Variants in CARMIL3 observed in about 807,000 individuals in gnomAD.
CARMIL3 encodes the protein capping protein, Arp2/3 and myosin-I linker protein 3.
CARMIL3 carries 88 observed loss-of-function variants against 180.8 expected under a neutral mutation model. The observed-to-expected ratio is 0.49, with a 90% CI of 0.41 to 0.58. The LOEUF (loss-of-function observed/expected upper bound fraction) is 0.58. CARMIL3 is among the 20% of genes least tolerant of loss of function. The pLI is 0.00. For synonymous variants in CARMIL3, 696 were observed against 714.5 expected, an observed-to-expected ratio of 0.97 and a Z score of 0.41; for missense variants, 1,548 against 1,787.0, an observed-to-expected ratio of 0.87 and a Z score of 2.41.
chr14:24,069,290 G>C, intron 39 of CARMIL3, 43 bp downstream of exon 39: 4 of 1,612,846 alleles, frequency 2.5e-6, no homozygotes, highest in Non-Finnish European at 2.5e-6. Context: ...CCACCTATCT[G>C]TCCAACATGA....
At chr14:24,055,362 C>T in intron 8 of CARMIL3, 52 bp downstream of exon 8, 1 of 1,596,300 alleles carries the variant, frequency 6.3e-7, no homozygotes, top group Non-Finnish European at 8.6e-7. Flanking sequence ...TTCAGCCCAA[C>T]CCCAGCCCTT....
Position 24,056,495 on chromosome 14 carries a change from C to T in CARMIL3, c.865+102C>T, listed in dbSNP as rs2035673104. ...CAGCAGCTCTCCAGCCTGATTCCAG[C>T]CCCTGCCCTGACACCTCCATCCTTG... On this transcript the variant is annotated intron_variant, in intron 11 of 39. Transcript: ENST00000342740. The T allele has an allele frequency of 6.1e-6, 9 of 1,470,560 alleles. 1 individual carries two copies. The South Asian group carries it at 1.0e-4, about 17-fold the overall frequency. The allele number at this position is 1,470,560 out of a possible 1,614,324, so 91.1% of individuals were successfully genotyped here. A position where few individuals can be genotyped will look rare whatever the true frequency, so the allele number is the denominator to read the frequency against.
At chr14:24,066,286 T>C (rs1484320268) in intron 34 of CARMIL3, 112 bp from the exon 35 acceptor site, 6 of 1,288,072 alleles carry the variant, frequency 4.7e-6, no homozygotes, top group Non-Finnish European at 1.1e-6. Context: ...TTTAAGTGTC[T>C]AGGGACTAAT....
At chr14:24,064,399 G>T in intron 32 of CARMIL3, 53 bp downstream of exon 32, 2 of 1,356,868 alleles carry the variant, frequency 1.5e-6, no homozygotes, top group Non-Finnish European at 2.1e-6. Flanking sequence ...GCCCTAGAAG[G>T]GCTGCTGTGT....
Position 24,055,228 on chromosome 14 carries a change from C to A in CARMIL3, c.532-9C>A. 6.2e-7 allele frequency: 1 copy of A among 1,614,024 alleles called. No individual in the cohort carries two copies. Among genetic ancestry groups the A allele is most frequent in the South Asian group, 1.1e-5 (1 of 91,076 alleles). On this transcript the variant is annotated splice_polypyrimidine_tract_variant and intron_variant, in intron 7 of 39. Transcript: ENST00000342740. ...GGGAGCAGGTGTGAGCCAGTTCCAC[C>A]TCTCCAAGGATGTGGACACCATCTA...
Position 24,055,808 on chromosome 14 carries a change from T to C in CARMIL3, c.770+19T>C. ...TTAAGACGTGAGGCCAGTCTCCTCC[T>C]TGGGCAGTAGTGCACCCTTGATGTA... On this transcript the variant is annotated intron_variant, in intron 10 of 39. Coordinates refer to ENST00000342740, the MANE Select transcript of CARMIL3 (RefSeq NM_138360.4). The C allele has an allele frequency of 6.2e-7, 1 of 1,612,102 alleles. No homozygotes were observed. The highest frequency in any genetic ancestry group is 8.5e-7 in the Non-Finnish European group (1 of 1,178,280).
intron 14 of CARMIL3, 45 bp from the exon 15 acceptor site, chr14:24,057,758 A>T: frequency 1.3e-6 from 2 of 1,523,576 alleles, no homozygotes; most frequent in Non-Finnish European, 8.9e-7. Context: ...GCCACCCCCT[A>T]CCCCCTTCCA....
chr14:24,065,924 G>C (rs942329508), intron 34 of CARMIL3, among the ~76,000 whole-genome samples, 174 bp downstream of exon 34: 16 of 152,130 alleles, frequency 1.1e-4, no homozygotes, highest in African/African-American at 3.9e-4. Context: ...CCCTGGACTG[G>C]TCACTTCACC....
At chr14:24,053,869 A>AGG in intron 2 of CARMIL3, 66 bp downstream of exon 2, 1 of 1,426,040 alleles carries the variant, frequency 7.0e-7, no homozygotes, top group Non-Finnish European at 9.7e-7. Flanking sequence ...AGTAGAGGGC[A>AGG]GGGAGCCGGG....
rs2035714570 is a variant in CARMIL3 at position 24,059,934 on chromosome 14, C to T, written c.1869-36C>T. On this transcript the variant is annotated intron_variant, in intron 22 of 39. Transcript: ENST00000342740. The surrounding 1 kb of genome is among the most constrained non-coding windows in gnomAD (Gnocchi z 6.3). The stretch of plus-strand genomic sequence containing the variant: ...AGGAGGCAGGGGCCTCCCATCCTCA[C>T]CTGTTCCCACCCAGCTGTGCCCCTG... The T allele has an allele frequency of 3.1e-6, 5 of 1,610,942 alleles. No homozygotes were observed. Among genetic ancestry groups the T allele is most frequent in the Non-Finnish European group, 4.2e-6 (5 of 1,177,574 alleles).
rs1019350802 is a variant in CARMIL3 at position 24,069,464 on chromosome 14, A to C, written c.*60A>C. 2 of 1,607,896 alleles carry C rather than the reference A, an allele frequency of 1.2e-6. No homozygotes were observed. The highest frequency in any genetic ancestry group is 2.7e-5 in the African/African-American group (2 of 74,736). ...GTGCCTCGCAAGGACTCAGACCCCT[A>C]TCCACCCCCAGTCCCCAGGGCCCCC... On this transcript the variant is annotated 3_prime_UTR_variant, in exon 40 of 40. Coordinates refer to ENST00000342740, the MANE Select transcript of CARMIL3 (RefSeq NM_138360.4).
rs2035623242 is a variant in CARMIL3 at position 24,052,208 on chromosome 14, C to T, written c.40+15C>T. The T allele has an allele frequency of 8.8e-6, 14 of 1,584,294 alleles. No homozygotes were observed. Among genetic ancestry groups the T allele is most frequent in the Non-Finnish European group, 1.2e-5 (14 of 1,170,022 alleles). ...CGAGTTGCAAGGTACGAGGCTGCCT[C>T]GGTCTCTGGGACGCCCCGTCCGGGA... On this transcript the variant is annotated intron_variant, in intron 1 of 39. Coordinates refer to ENST00000342740, the MANE Select transcript of CARMIL3 (RefSeq NM_138360.4).
Position 24,058,670 on chromosome 14 carries a change from G to A in CARMIL3, c.1393-10G>A. 6.2e-7 allele frequency: 1 copy of A among 1,613,204 alleles called. No individual in the cohort carries two copies. Among genetic ancestry groups the A allele is most frequent in the Non-Finnish European group, 8.5e-7 (1 of 1,179,586 alleles). The stretch of plus-strand genomic sequence containing the variant: ...ACCCCTGCCTTCCCTACCTCACCTT[G>A]TCCCTGCAGCTCCGTTCAGCGGGAG... On this transcript the variant is annotated splice_polypyrimidine_tract_variant and intron_variant, in intron 17 of 39. Transcript: ENST00000342740. This position sits in a 1 kb window ranked among gnomAD's most constrained non-coding sequence, Gnocchi z 6.4.
chr14:24,055,637 T>G lies in CARMIL3; in HGVS notation c.681+19T>G. On this transcript the variant is annotated intron_variant, in intron 9 of 39. Coordinates refer to ENST00000342740, the MANE Select transcript of CARMIL3 (RefSeq NM_138360.4). The stretch of plus-strand genomic sequence containing the variant: ...GCGGCTGGTAGGAACTGGGAGGGGC[T>G]GGTGAGGTGGGAGAAGTAGTGCCCC... The G allele has an allele frequency of 6.2e-7, 1 of 1,614,028 alleles. No individual in the cohort carries two copies. The highest frequency in any genetic ancestry group is 8.5e-7 in the Non-Finnish European group (1 of 1,179,994).
chr14:24,058,759 A>G lies in CARMIL3; in HGVS notation c.1472A>G (p.Asn491Ser), dbSNP rs939900022. The G allele has an allele frequency of 8.1e-6, 13 of 1,613,962 alleles. No individual in the cohort carries two copies. Among genetic ancestry groups the G allele is most frequent in the Middle Eastern group, 1.6e-4 (1 of 6,084 alleles). The change falls in exon 18 of 40, where the codon AAT becomes AGT. Residue 491 changes from asparagine to serine, a missense_variant and splice_region_variant. Asn to Ser is a conservative substitution (Grantham distance 46, BLOSUM62 1). This residue lies in a region of CARMIL3 where 578 missense variants were observed against 666.5 expected (regional missense o/e 0.87). Transcript: ENST00000342740. The surrounding 1 kb of genome is among the most constrained non-coding windows in gnomAD (Gnocchi z 6.4). ...TCVGSLDLSDNGFDSDLLTLV... is the reference protein window; with the variant it reads ...TCVGSLDLSDSGFDSDLLTLV... ...GTAGGCAGCCTGGATCTGTCAGACA[A>G]TGGTGAGTAGTGGTTCCTCCCTTCC...
At position 24,053,765 on chromosome 14, in the gene CARMIL3, T is replaced by C. The variant is rs111715573; in HGVS notation, c.97T>C (p.Leu33=). The C allele has an allele frequency of 2.5e-5, 40 of 1,613,568 alleles. No homozygotes were observed. In the African/African-American group the frequency reaches 3.1e-4, roughly 12 times the overall value. ...CGTGCTCCAACAACATCATGTGAAG[T>C]TGGAGACAAAGCCCAAGAAGTTTGA... ...GAVLQQHHVK[L]ETKPKKFEDR... is the part of the protein sequence containing the mutation. The change falls in exon 2 of 40, where the codon TTG becomes CTG. Residue 33 remains leucine, a synonymous_variant. Coordinates refer to ENST00000342740, the MANE Select transcript of CARMIL3 (RefSeq NM_138360.4).
At chr14:24,060,276 C>A (rs1056702904) in intron 24 of CARMIL3, 21 bp downstream of exon 24, 3 of 1,611,288 alleles carry the variant, frequency 1.9e-6, no homozygotes, top group Non-Finnish European at 2.5e-6. Context: ...CCCTCTGGGA[C>A]ACGGGGCATA....
chr14:24,057,934 C>T (rs753248283), intron 15 of CARMIL3, 26 bp from the exon 16 acceptor site: 23 of 1,613,184 alleles, frequency 1.4e-5, no homozygotes, highest in East Asian at 2.2e-5. Flanking sequence ...CCCCCTCCCT[C>T]GCTGACCCCA....
intron 34 of CARMIL3, 70 bp downstream of exon 34, chr14:24,065,820 C>T (rs1256682020): frequency 8.3e-6 from 13 of 1,567,282 alleles, no homozygotes; most frequent in Non-Finnish European, 1.1e-5. Flanking sequence ...CCTTCCCACT[C>T]CCTCATCCCT....
Sources: allele counts gnomAD v4.1 joint callset (sites outside exome capture counted in the v4.1 genomes callset), GRCh38; gene constraint gnomAD v4.1.1; regional missense constraint gnomAD v4.1.1; non-coding constraint Gnocchi (gnomAD v3.1); transcripts MANE v1.5; gene names NCBI Gene and HGNC (gene_info 2026-07-23, HGNC 2026-07-21).